The following NFKB2 variants were observed in gnomAD, a reference collection of about 807,000 sequenced individuals.
NFKB2 encodes nuclear factor NF-kappa-B p100 subunit.
In NFKB2, 21 loss-of-function variants were observed where a neutral mutation model predicts 109.3. The ratio of observed to expected loss-of-function variants is 0.19; its 90% CI spans 0.14 to 0.28. The LOEUF is 0.28. Ranked by LOEUF, NFKB2 falls within the 10% of genes least tolerant of loss-of-function variation. NFKB2 has a pLI of 1.00. For missense variants in NFKB2, 806 were observed against 1,185.3 expected, an observed-to-expected ratio of 0.68 and a Z score of 4.70; for synonymous variants, 478 against 489.9, an observed-to-expected ratio of 0.98 and a Z score of 0.32.
rs752113165 is a variant in NFKB2, at chr10:102,398,317, G to A, written c.852+20G>A. On this transcript the variant is annotated intron_variant, in intron 10 of 22. Transcript: ENST00000661543. The surrounding 1 kb of genome is among the most constrained non-coding windows in gnomAD (Gnocchi z 6.6). ...AAACAGGTACCCAGGGCTAGGGCCCGGGCCCGGGCTGGGGGCTAAATTAGG... is the reference window on the plus strand; with the variant it reads ...AAACAGGTACCCAGGGCTAGGGCCCAGGCCCGGGCTGGGGGCTAAATTAGG... The A allele has an allele frequency of 2.5e-5, 41 of 1,613,988 alleles. No individual in the cohort carries two copies. In the East Asian group the frequency reaches 4.5e-4, roughly 18 times the overall value.
chr10:102,394,345 C>T (rs990296601), upstream of NFKB2: 8 of 152,312 alleles, frequency 5.3e-5, no homozygotes, highest in Admixed American at 1.3e-4. Flanking sequence ...ACCCCGCTCC[C>T]CGCCCTGAGT....
chr10:102,399,754 G>C, intron 14 of NFKB2, 36 bp downstream of exon 14: 1 of 1,443,080 alleles, frequency 6.9e-7, no homozygotes, highest in South Asian at 1.4e-5. Context: ...GAGGCGCGGG[G>C]TGGGGGCAGG....
intron 12 of NFKB2, 185 bp from the exon 13 acceptor site, chr10:102,399,103 C>T (rs1589864122): frequency 1.4e-6 from 1 of 735,520 alleles, no homozygotes; most frequent in Non-Finnish European, 2.2e-6. Context: ...ATCCCAGCTA[C>T]TCGGGAGGCT....
Position 102,396,022 on chromosome 10 carries a change from C to A in NFKB2, c.21+42C>A. Reference sequence around the variant, plus strand: ...GCCCCTGACCCGGCCGGCTGCCCCTCGTGTCTGTCCACCTGTCTGCCCGAG... The same window carrying A: ...GCCCCTGACCCGGCCGGCTGCCCCTAGTGTCTGTCCACCTGTCTGCCCGAG... On this transcript the variant is annotated intron_variant, in intron 2 of 22. Coordinates refer to ENST00000661543, the MANE Select transcript of NFKB2 (RefSeq NM_001322934.2). This position sits in a 1 kb window ranked among gnomAD's most constrained non-coding sequence, Gnocchi z 5.9. 1.2e-6 allele frequency: 2 copies of A among 1,610,758 alleles called. No individual in the cohort carries two copies. Among genetic ancestry groups the A allele is most frequent in the Non-Finnish European group, 1.7e-6 (2 of 1,179,712 alleles).
chr10:102,400,015 G>A lies in NFKB2; in HGVS notation c.1470-65G>A, dbSNP rs2061200151. On this transcript the variant is annotated intron_variant, in intron 14 of 22. Coordinates refer to ENST00000661543, the MANE Select transcript of NFKB2 (RefSeq NM_001322934.2). The surrounding 1 kb of genome is among the most constrained non-coding windows in gnomAD (Gnocchi z 6.3). ...CCCAGCGAGGGAGACTATGAGGGCGGTGGGGCCTTGAAAGCGAAGGATGCT... is the reference window on the plus strand; with the variant it reads ...CCCAGCGAGGGAGACTATGAGGGCGATGGGGCCTTGAAAGCGAAGGATGCT... 3 of 1,504,832 alleles carry A rather than the reference G, an allele frequency of 2.0e-6. No individual in the cohort carries two copies. Among genetic ancestry groups the A allele is most frequent in the Non-Finnish European group, 2.8e-6 (3 of 1,086,954 alleles). The allele number at this position is 1,504,832 out of a possible 1,614,324, so 93.2% of individuals were successfully genotyped here.
At position 102,397,531 on chromosome 10, in the gene NFKB2, C is replaced by T. The variant is rs769444840; in HGVS notation, c.507C>T (p.Ala169=). ...LRSRPQGLTE[A]EQRELEQEAK... is the part of the protein sequence containing the mutation. The stretch of plus-strand genomic sequence containing the variant: ...ACACATGTACCTACTGCCCAGAGGC[C>T]GAGCAGCGGGAGCTGGAGCAAGAGG... Residue 169 remains alanine (A), a synonymous_variant, in exon 8 of 23, where the codon GCC becomes GCT. Transcript: ENST00000661543. The surrounding 1 kb of genome is among the most constrained non-coding windows in gnomAD (Gnocchi z 4.7). The T allele has an allele frequency of 2.2e-5, 35 of 1,612,582 alleles. No homozygotes were observed. The Admixed American group carries it at 3.0e-4, about 14-fold the overall frequency.
chr10:102,395,010 ATGT>A (rs1312062656), upstream of NFKB2, among the ~76,000 whole-genome samples: 7 of 148,528 alleles, frequency 4.7e-5, no homozygotes, highest in Admixed American at 2.1e-4. Context: ...TTGCACACTC[ATGT>A]TGACGCCATG....
chr10:102,398,133 TG>T lies in NFKB2; in HGVS notation c.766+52del, dbSNP rs2061149823. On this transcript the variant is annotated intron_variant, in intron 9 of 22. Transcript: ENST00000661543. The surrounding 1 kb of genome is among the most constrained non-coding windows in gnomAD (Gnocchi z 6.6). ...GCACCAAGGACATCGAGTATAAGAC[TG>T]GGGCCAGGGAAGCTCTAGGGTAAAT... 6.2e-7 allele frequency: 1 copy of T among 1,612,812 alleles called. No individual in the cohort carries two copies. The highest frequency in any genetic ancestry group is 8.5e-7 in the Non-Finnish European group (1 of 1,178,876).
chr10:102,399,167 A>G (rs1219076568), intron 12 of NFKB2, 121 bp from the exon 13 acceptor site: 3 of 1,014,772 alleles, frequency 3.0e-6, no homozygotes, highest in Non-Finnish European at 4.3e-6. Flanking sequence ...GTAAGCTGAG[A>G]TCACACCACT....
In NFKB2 at chr10:102,401,218, C is replaced by A; in HGVS notation, c.2110C>A (p.Pro704Thr). 1 of 1,607,516 alleles carries A rather than the reference C, an allele frequency of 6.2e-7. No individual in the cohort carries two copies. Among genetic ancestry groups the A allele is most frequent in the South Asian group, 1.1e-5 (1 of 90,286 alleles). ...IHAENEEPLC[P>T]LPSPPTSDSD... is the part of the protein sequence containing the mutation. ...TGCTGAAAACGAGGAGCCCCTGTGC[C>A]CACTGCCTTCACCCCCTACCTCTGA... The change falls in exon 19 of 23, where the codon CCA (proline) becomes ACA (threonine). Residue 704 changes from proline (P) to threonine (T), a missense_variant. By Grantham distance (38) the Pro-to-Thr change is conservative. Around this residue, in one of 10 missense-constraint regions of NFKB2, gnomAD observed 211 missense variants for 268.7 expected, o/e 0.79. Transcript: ENST00000661543. The surrounding 1 kb of genome is among the most constrained non-coding windows in gnomAD (Gnocchi z 4.2).
At chr10:102,394,220 T>C (rs1047311330), upstream of NFKB2, 1 of 152,298 alleles carries the variant, frequency 6.6e-6, no homozygotes, top group Non-Finnish European at 1.5e-5. Context: ...AGCCAAGCGT[T>C]AGGCGCAGCC....
Position 102,397,775 on chromosome 10 carries a change from T to C in NFKB2, c.661+90T>C. The C allele has an allele frequency of 6.7e-7, 1 of 1,490,772 alleles. No individual in the cohort carries two copies. Among genetic ancestry groups the C allele is most frequent in the Non-Finnish European group, 9.1e-7 (1 of 1,094,554 alleles). The allele number at this position is 1,490,772 out of a possible 1,614,324, so 92.3% of individuals were successfully genotyped here. A position where few individuals can be genotyped will look rare whatever the true frequency, so the allele number is the denominator to read the frequency against. On this transcript the variant is annotated intron_variant, in intron 8 of 22. Transcript: ENST00000661543. This position sits in a 1 kb window ranked among gnomAD's most constrained non-coding sequence, Gnocchi z 4.7. ...AGCTGTGCAGTCAAACAGACCCAGG[T>C]TTCAGAACCTGGCCCTGCCACATAT...
In NFKB2 at chr10:102,397,473, TGGAA is replaced by T; in HGVS notation, c.503-50_503-47del. The T allele has an allele frequency of 1.2e-6, 2 of 1,607,110 alleles. No homozygotes were observed. Among genetic ancestry groups the T allele is most frequent in the Non-Finnish European group, 1.7e-6 (2 of 1,176,350 alleles). The stretch of plus-strand genomic sequence containing the variant: ...GTGGGTGGGTCATGGGAGGTGCTCA[TGGAA>T]GGAGCAGGGAGGGAGAAGCCCAGGG... On this transcript the variant is annotated intron_variant, in intron 7 of 22. Transcript: ENST00000661543. This position sits in a 1 kb window ranked among gnomAD's most constrained non-coding sequence, Gnocchi z 4.7.
In NFKB2 at chr10:102,396,363, C is replaced by A. The variant is rs1012442829; in HGVS notation, c.103+29C>A. The A allele has an allele frequency of 1.2e-6, 2 of 1,613,202 alleles. No individual in the cohort carries two copies. Among genetic ancestry groups the A allele is most frequent in the African/African-American group, 2.7e-5 (2 of 74,892 alleles). Reference sequence around the variant, plus strand: ...AGCAAGTTCACTAACCTCCCCTAGTCCTAAAGCGGGGGAGGGAGAGCATGT... The same window carrying A: ...AGCAAGTTCACTAACCTCCCCTAGTACTAAAGCGGGGGAGGGAGAGCATGT... On this transcript the variant is annotated intron_variant, in intron 3 of 22. Coordinates refer to ENST00000661543, the MANE Select transcript of NFKB2 (RefSeq NM_001322934.2). The surrounding 1 kb of genome is among the most constrained non-coding windows in gnomAD (Gnocchi z 5.9).
At position 102,398,207 on chromosome 10, in the gene NFKB2, T is replaced by C. The variant is rs1230545162; in HGVS notation, c.767-5T>C. ...GCTGTGGCCAAGCTTCCGTTTTCCT[T>C]GTAGATGACATTGAGGTTCGGTTCT... is the stretch of plus-strand genomic sequence containing the variant. On this transcript the variant is annotated splice_polypyrimidine_tract_variant and splice_region_variant and intron_variant, in intron 9 of 22. Transcript: ENST00000661543. The surrounding 1 kb of genome is among the most constrained non-coding windows in gnomAD (Gnocchi z 6.6). The C allele has an allele frequency of 1.2e-6, 2 of 1,614,062 alleles. No individual in the cohort carries two copies.
At chr10:102,395,609 C>T (rs2061091643), upstream of NFKB2, 1 of 448,390 alleles carries the variant, frequency 2.2e-6, no homozygotes. Flanking sequence ...TCCCGCCCCT[C>T]CCGTCGCGAG....
chr10:102,399,564 CTG>C lies in NFKB2; in HGVS notation c.1328-10_1328-9del. On this transcript the variant is annotated splice_polypyrimidine_tract_variant and intron_variant, in intron 13 of 22. Transcript: ENST00000661543. ...AGGACCTAGCCCTGACCCACGCCCT[CTG>C]TGGCCCGTAGCTCGAGAGTACAACG... 6.5e-7 allele frequency: 1 copy of C among 1,548,716 alleles called. No homozygotes were observed. Among genetic ancestry groups the C allele is most frequent in the Non-Finnish European group, 8.7e-7 (1 of 1,146,680 alleles).
Position 102,398,748 on chromosome 10 carries a change from A to C in NFKB2, c.1001A>C (p.Glu334Ala). 6.2e-7 allele frequency: 1 copy of C among 1,612,424 alleles called. No individual in the cohort carries two copies. Among genetic ancestry groups the C allele is most frequent in the Non-Finnish European group, 8.5e-7 (1 of 1,180,012 alleles). ...TTTCCTCTGCCCCCAGACAAGGAAG[A>C]GGTGCAGCGGAAGCGGAGGAAGGCC... ...TYYPLVEDKE[E>A]VQRKRRKALP... Residue 334 changes from glutamate (E) to alanine (A), a missense_variant, in exon 12 of 23, where the codon GAG becomes GCG. Coordinates refer to ENST00000661543, the MANE Select transcript of NFKB2 (RefSeq NM_001322934.2). This position sits in a 1 kb window ranked among gnomAD's most constrained non-coding sequence, Gnocchi z 6.6.
Position 102,398,216 on chromosome 10 carries a change from C to T in NFKB2, c.771C>T (p.Asp257=). The T allele has an allele frequency of 6.2e-7, 1 of 1,614,112 alleles. No homozygotes were observed. The highest frequency in any genetic ancestry group is 8.5e-7 in the Non-Finnish European group (1 of 1,180,020). ...AAGCTTCCGTTTTCCTTGTAGATGA[C>T]ATTGAGGTTCGGTTCTATGAGGATG... is the stretch of plus-strand genomic sequence containing the variant. ...YLLCDKVQKD[D]IEVRFYEDDE... is the part of the protein sequence containing the mutation. Residue 257 remains aspartate (D), a synonymous_variant, in exon 10 of 23, where the codon GAC becomes GAT. Coordinates refer to ENST00000661543, the MANE Select transcript of NFKB2 (RefSeq NM_001322934.2). The surrounding 1 kb of genome is among the most constrained non-coding windows in gnomAD (Gnocchi z 6.6).
Sources: allele counts gnomAD v4.1 joint callset (sites outside exome capture counted in the v4.1 genomes callset), GRCh38; gene constraint gnomAD v4.1.1; regional missense constraint gnomAD v4.1.1; non-coding constraint Gnocchi (gnomAD v3.1); transcripts MANE v1.5; gene names NCBI Gene and HGNC (gene_info 2026-07-23, HGNC 2026-07-21).